KCNT2: variants seen among roughly 807,000 people sequenced by gnomAD.
KCNT2 encodes potassium channel subfamily T member 2.
Under a neutral mutation model 153.8 loss-of-function variants are expected in KCNT2, and 67 were observed. The ratio of observed to expected loss-of-function variants is 0.44; its 90% CI spans 0.36 to 0.53. KCNT2 has a LOEUF of 0.53. Among genes scored for constraint, KCNT2 ranks in the 20% least tolerant of loss-of-function variants. The pLI, the probability that KCNT2 is intolerant of heterozygous loss-of-function variation, is 0.00. For synonymous variants in KCNT2, 500 were observed against 458.8 expected, an observed-to-expected ratio of 1.09 and a Z score of -1.15; for missense variants, 975 against 1,354.8, an observed-to-expected ratio of 0.72 and a Z score of 4.40.
At chr1:196,246,661 C>G (rs1003275833) in intron 26 of KCNT2, among the ~76,000 whole-genome samples, 6 of 151,972 alleles carry the variant, frequency 3.9e-5, no homozygotes, top group Non-Finnish European at 8.8e-5. Flanking sequence ...TTACTTTTCT[C>G]TTTACTTGTT....
At chr1:196,492,570 T>C (rs1679941441) in intron 1 of KCNT2, among the ~76,000 whole-genome samples, 1 of 152,176 alleles carries the variant, frequency 6.6e-6, no homozygotes, top group Non-Finnish European at 1.5e-5. Flanking sequence ...TTTCTACTTT[T>C]AAAGATAGAA....
intron 12 of KCNT2, among the ~76,000 whole-genome samples, chr1:196,406,693 T>G (rs1026661620): frequency 1.3e-5 from 2 of 151,392 alleles, no homozygotes; most frequent in Non-Finnish European, 3.0e-5. Context: ...CCTGCCAAGT[T>G]TCAGCAGAAG....
intron 1 of KCNT2, among the ~76,000 whole-genome samples, chr1:196,556,001 T>C (rs1423241125): frequency 3.3e-5 from 5 of 151,300 alleles, no homozygotes; most frequent in Non-Finnish European, 7.4e-5. Flanking sequence ...AAAAATCAAA[T>C]CAAAATGAAT....
In KCNT2 at chr1:196,402,404, G is replaced by C. The variant is rs149398762; in HGVS notation, c.1186-3733C>G. The stretch of plus-strand genomic sequence containing the variant: ...TCTAACAACAATAACATAAGAGACA[G>C]TAGAAAAGGAATAAATGCAAGTTTA... On this transcript the variant is annotated intron_variant, in intron 12 of 27. Transcript: ENST00000294725. Among the ~76,000 whole-genome samples the C allele has an allele frequency of 6.7e-4, 102 of 151,572 alleles. No homozygotes were observed. In the East Asian group the frequency reaches 0.018, roughly 27 times the overall value.
At chr1:196,359,857 G>C (rs1667474898) in intron 14 of KCNT2, among the ~76,000 whole-genome samples, 1 of 151,882 alleles carries the variant, frequency 6.6e-6, no homozygotes, top group Non-Finnish European at 1.5e-5. Flanking sequence ...TGGAGTACAT[G>C]CTATATATAA....
intron 19 of KCNT2, among the ~76,000 whole-genome samples, chr1:196,320,351 A>G (rs1427244590): frequency 6.6e-6 from 1 of 151,890 alleles, no homozygotes; most frequent in Admixed American, 6.6e-5. Flanking sequence ...ATTCAGGTAT[A>G]TGCAAAAGAA....
intron 13 of KCNT2, among the ~76,000 whole-genome samples, chr1:196,392,821 T>C (rs1362887358): frequency 1.3e-5 from 2 of 151,486 alleles, no homozygotes; most frequent in South Asian, 2.1e-4. Context: ...ACTCTATGAA[T>C]GATACATGTT....
At chr1:196,305,442 T>G (rs1661538139) in intron 21 of KCNT2, 97 bp from the exon 22 acceptor site, 1 of 668,756 alleles carries the variant, frequency 1.5e-6, no homozygotes, top group Non-Finnish European at 2.6e-6. Flanking sequence ...GCCTTGGGCA[T>G]AAAACTATAT....
At position 196,226,040 on chromosome 1, in the gene KCNT2, G is replaced by C. The variant is rs1463901338; in HGVS notation, c.*2184C>G. On this transcript the variant is annotated 3_prime_UTR_variant, in exon 28 of 28. Coordinates refer to ENST00000294725, the MANE Select transcript of KCNT2 (RefSeq NM_198503.5). ...TTATTGTAGCAAGCTGGTATGAACT[G>C]TGTCAAATATTAAATTTGGACTAAT... 2.6e-5 allele frequency: 4 copies of C among 151,968 alleles called. No homozygotes were observed. Among genetic ancestry groups the C allele is most frequent in the Non-Finnish European group, 5.9e-5 (4 of 67,914 alleles). The allele number at this position is 151,968 out of a possible 1,614,324, so 9.4% of individuals were successfully genotyped here. A position where few individuals can be genotyped will look rare whatever the true frequency, so the allele number is the denominator to read the frequency against.
intron 7 of KCNT2, among the ~76,000 whole-genome samples, chr1:196,467,373 T>C (rs1677712958): frequency 6.6e-6 from 1 of 152,034 alleles, no homozygotes; most frequent in African/African-American, 2.4e-5. Flanking sequence ...AGCAGACTGG[T>C]CATTTAAGGT....
chr1:196,523,758 G>A (rs778525845), intron 1 of KCNT2, among the ~76,000 whole-genome samples: 68 of 152,256 alleles, frequency 4.5e-4, no homozygotes, highest in African/African-American at 8.7e-4. Context: ...GCCTGGTAAC[G>A]TTTGTGAAAA....
chr1:196,557,993 A>G (rs12735105), intron 1 of KCNT2, among the ~76,000 whole-genome samples: 1 of 151,382 alleles, frequency 6.6e-6, no homozygotes, highest in Non-Finnish European at 1.5e-5. Context: ...GCACAACCTG[A>G]CAGAGAATGT....
chr1:196,325,384 C>A (rs1663742587), intron 19 of KCNT2, among the ~76,000 whole-genome samples: 2 of 152,104 alleles, frequency 1.3e-5, no homozygotes, highest in South Asian at 4.1e-4. Flanking sequence ...GTCTTAACTT[C>A]CACTTTCAGG....
intron 13 of KCNT2, among the ~76,000 whole-genome samples, chr1:196,385,558 TA>T (rs1417523567): frequency 4.0e-5 from 6 of 151,130 alleles, no homozygotes; most frequent in African/African-American, 1.5e-4. Flanking sequence ...AAACAGAAAA[TA>T]AGGGCACAGG....
chr1:196,578,540 A>T (rs1558099294), intron 1 of KCNT2, among the ~76,000 whole-genome samples: 3 of 152,142 alleles, frequency 2.0e-5, no homozygotes, highest in Non-Finnish European at 4.4e-5. Flanking sequence ...AGAAATTAGG[A>T]AGGGGAGTTG....
chr1:196,551,156 A>C (rs1245001791), intron 1 of KCNT2, among the ~76,000 whole-genome samples: 1 of 151,814 alleles, frequency 6.6e-6, no homozygotes, highest in African/African-American at 2.4e-5. Flanking sequence ...GAGATTGATG[A>C]TGATTAACTC....
At chr1:196,317,279 C>G in intron 20 of KCNT2, 1 of 452,812 alleles carries the variant, frequency 2.2e-6, no homozygotes, top group Non-Finnish European at 4.4e-6. Flanking sequence ...ACTGTGGAAA[C>G]AGAATGTTAT....
intron 5 of KCNT2, among the ~76,000 whole-genome samples, chr1:196,477,415 GT>G (rs1368766159): frequency 1.3e-5 from 2 of 151,860 alleles, no homozygotes; most frequent in African/African-American, 4.8e-5. Context: ...GCAAAATCCT[GT>G]CTCTACAAAA....
intron 13 of KCNT2, among the ~76,000 whole-genome samples, chr1:196,376,701 C>A (rs1668999049): frequency 6.6e-6 from 1 of 151,844 alleles, no homozygotes; most frequent in Admixed American, 6.6e-5. Context: ...TAAAATAAAA[C>A]CATCCCTATA....
Sources: allele counts gnomAD v4.1 joint callset (sites outside exome capture counted in the v4.1 genomes callset), GRCh38; gene constraint gnomAD v4.1.1; transcripts MANE v1.5; gene names NCBI Gene and HGNC (gene_info 2026-07-23, HGNC 2026-07-21).